PRKD1: variants seen among roughly 807,000 people sequenced by gnomAD.
The protein encoded by PRKD1 is protein kinase D1.
In PRKD1, 63 loss-of-function variants were observed where a neutral mutation model predicts 95.9. The ratio of observed to expected loss-of-function variants is 0.66; its 90% CI spans 0.54 to 0.81. The LOEUF is 0.81. Among genes scored for constraint, PRKD1 ranks in the 30% least tolerant of loss-of-function variants. The pLI, the probability that PRKD1 is intolerant of heterozygous loss-of-function variation, is 0.00. For missense variants in PRKD1, 1,048 were observed against 1,165.3 expected (o/e 0.90, Z 1.47); for synonymous variants, 425 against 423.1 (o/e 1.00, Z -0.05).
At chr14:29,722,190 G>C (rs1885932732) in intron 2 of PRKD1, among the ~76,000 whole-genome samples, 1 of 151,920 alleles carries the variant, frequency 6.6e-6, no homozygotes, top group African/African-American at 2.4e-5. Context: ...TCAAACTACA[G>C]AGTAAAATTT....
At chr14:29,912,496 T>C (rs192999622) in intron 1 of PRKD1, among the ~76,000 whole-genome samples, 9 of 152,246 alleles carry the variant, frequency 5.9e-5, no homozygotes, top group Admixed American at 4.6e-4. Context: ...ACTTCAATAG[T>C]ATATTCATCA....
At chr14:29,703,848 A>G (rs546688685) in intron 2 of PRKD1, among the ~76,000 whole-genome samples, 1 of 152,284 alleles carries the variant, frequency 6.6e-6, no homozygotes, top group South Asian at 2.1e-4. Flanking sequence ...CCTATGAATC[A>G]AGATTTGAAT....
chr14:29,663,854 C>T lies in PRKD1; in HGVS notation c.541G>A (p.Gly181Ser), dbSNP rs1161561079. 6.2e-7 allele frequency: 1 copy of T among 1,613,114 alleles called. No individual in the cohort carries two copies. The highest frequency in any genetic ancestry group is 8.5e-7 in the Non-Finnish European group (1 of 1,179,276). ...GCACATCTCTTATGGTAATTCAGAC[C>T]ACACCCTGGAAAGGGAAAATAAAAA... Reference protein sequence around the residue: ...VRQGLKCEGCGLNYHKRCAFK... With the variant: ...VRQGLKCEGCSLNYHKRCAFK... Residue 181 changes from glycine to serine, a missense_variant, in exon 4 of 18, where the codon GGT (glycine) becomes AGT (serine). Transcript: ENST00000331968.
intron 1 of PRKD1, among the ~76,000 whole-genome samples, chr14:29,913,199 A>G (rs1007060424): frequency 1.3e-5 from 2 of 152,226 alleles, no homozygotes; most frequent in African/African-American, 4.8e-5. Flanking sequence ...AGCTTAAACC[A>G]TTTAGAAGAG....
chr14:29,861,140 A>T (rs1227331005), intron 1 of PRKD1, among the ~76,000 whole-genome samples: 1 of 152,234 alleles, frequency 6.6e-6, no homozygotes, highest in Non-Finnish European at 1.5e-5. Flanking sequence ...AATTTAGCCC[A>T]ACAAACTATG....
chr14:29,613,852 G>A (rs950973719), intron 13 of PRKD1, among the ~76,000 whole-genome samples: 10 of 152,184 alleles, frequency 6.6e-5, no homozygotes, highest in African/African-American at 2.4e-4. Context: ...TACTCTTGGA[G>A]AGCAAAAAGA....
At chr14:29,865,632 T>C (rs920314812) in intron 1 of PRKD1, among the ~76,000 whole-genome samples, 1 of 152,326 alleles carries the variant, frequency 6.6e-6, no homozygotes, top group Admixed American at 6.5e-5. Flanking sequence ...CATATGTCAA[T>C]GCCACGCTCT....
chr14:29,922,493 A>G (rs1308555055), intron 1 of PRKD1, among the ~76,000 whole-genome samples: 3 of 152,198 alleles, frequency 2.0e-5, no homozygotes, highest in African/African-American at 7.2e-5. Flanking sequence ...ATAGTTAAAC[A>G]TAATCTACTA....
At chr14:29,696,031 G>C (rs1884496404) in intron 2 of PRKD1, among the ~76,000 whole-genome samples, 1 of 152,194 alleles carries the variant, frequency 6.6e-6, no homozygotes, top group Non-Finnish European at 1.5e-5. Context: ...TCTTAGGAGT[G>C]AGTGAGTCTT....
intron 2 of PRKD1, among the ~76,000 whole-genome samples, chr14:29,690,816 AC>A (rs1483406437): frequency 2.0e-5 from 3 of 152,052 alleles, no homozygotes; most frequent in Admixed American, 2.0e-4. Context: ...ATCTCAGAAT[AC>A]CCCCATTCTT....
At chr14:29,699,123 G>GCGGA (rs1884692489) in intron 2 of PRKD1, among the ~76,000 whole-genome samples, 1 of 152,120 alleles carries the variant, frequency 6.6e-6, no homozygotes, top group South Asian at 2.1e-4. Context: ...TTTCTAATTT[G>GCGGA]TTGCTAATAT....
chr14:29,801,838 G>A (rs1890045624), intron 1 of PRKD1, among the ~76,000 whole-genome samples: 1 of 152,242 alleles, frequency 6.6e-6, no homozygotes, highest in African/African-American at 2.4e-5. Context: ...ACAGGCATGC[G>A]CCAACACACC....
intron 9 of PRKD1, 74 bp downstream of exon 9, chr14:29,632,795 T>C: frequency 7.4e-7 from 1 of 1,354,372 alleles, no homozygotes; most frequent in Non-Finnish European, 1.0e-6. Flanking sequence ...ATGTATTTCC[T>C]ATTTCTTATA....
intron 1 of PRKD1, among the ~76,000 whole-genome samples, chr14:29,896,845 T>C (rs940430870): frequency 6.6e-6 from 1 of 151,470 alleles, no homozygotes; most frequent in Non-Finnish European, 1.5e-5. Context: ...AGCAGAAGAA[T>C]AGGGGGTAGG....
chr14:29,601,922 G>A (rs371573028), intron 13 of PRKD1, among the ~76,000 whole-genome samples: 22 of 152,194 alleles, frequency 1.4e-4, no homozygotes, highest in East Asian at 5.8e-4. Flanking sequence ...ATCACAGCAC[G>A]AGCTTTAAGG....
intron 1 of PRKD1, among the ~76,000 whole-genome samples, chr14:29,910,758 T>G (rs1169776928): frequency 6.6e-6 from 1 of 152,206 alleles, no homozygotes; most frequent in Admixed American, 6.5e-5. Context: ...CGATTCCCCC[T>G]TTCTTGAAGT....
chr14:29,904,277 C>A (rs193058541), intron 1 of PRKD1, among the ~76,000 whole-genome samples: 15 of 152,136 alleles, frequency 9.9e-5, no homozygotes, highest in African/African-American at 3.6e-4. Flanking sequence ...ATTGTTTATT[C>A]AGATTTATTA....
At position 29,638,723 on chromosome 14, in the gene PRKD1, C is replaced by G; in HGVS notation, c.878G>C (p.Gly293Ala). Reference sequence around the variant, plus strand: ...GCACTGCAAGCCCTGCCTGAAAAGCCCCTTCAGAAGCTTCTTGCAGTACTG... The same window carrying G: ...GCACTGCAAGCCCTGCCTGAAAAGCGCCTTCAGAAGCTTCTTGCAGTACTG... ...VCQYCKKLLK[G>A]LFRQGLQCKD... The change falls in exon 5 of 18, where the codon GGG becomes GCG. Residue 293 changes from glycine (G) to alanine (A), a missense_variant. Coordinates refer to ENST00000331968, the MANE Select transcript of PRKD1 (RefSeq NM_002742.3). 1 of 1,614,056 alleles carries G rather than the reference C, an allele frequency of 6.2e-7. No individual in the cohort carries two copies. Among genetic ancestry groups the G allele is most frequent in the Non-Finnish European group, 8.5e-7 (1 of 1,180,018 alleles).
At chr14:29,606,196 G>T (rs1893699138) in intron 13 of PRKD1, among the ~76,000 whole-genome samples, 1 of 151,878 alleles carries the variant, frequency 6.6e-6, no homozygotes, top group Admixed American at 6.6e-5. Flanking sequence ...TATTTTTCGT[G>T]GAAACGGGGT....
Sources: allele counts gnomAD v4.1 joint callset (sites outside exome capture counted in the v4.1 genomes callset), GRCh38; gene constraint gnomAD v4.1.1; transcripts MANE v1.5; gene names NCBI Gene and HGNC (gene_info 2026-07-23, HGNC 2026-07-21).